PDE4B: variants seen among roughly 807,000 people sequenced by gnomAD.
The protein encoded by PDE4B is 3',5'-cyclic-AMP phosphodiesterase 4B.
Under a neutral mutation model 82.2 loss-of-function variants are expected in PDE4B, and 20 were observed. That is an observed-to-expected ratio of 0.24 (90% CI 0.17 to 0.35). The LOEUF (loss-of-function observed/expected upper bound fraction) is 0.35, where lower values mean the gene tolerates loss of function less well. PDE4B is among the 10% of genes least tolerant of loss of function. The pLI, the probability that PDE4B is intolerant of heterozygous loss-of-function variation, is 1.00. For missense variants in PDE4B, 655 were observed against 907.2 expected (o/e 0.72, Z 3.57); for synonymous variants, 320 against 318.9 (o/e 1.00, Z -0.04).
At chr1:66,363,686 A>T in intron 12 of PDE4B, 115 bp downstream of exon 12, 1 of 810,242 alleles carries the variant, frequency 1.2e-6, no homozygotes, top group Non-Finnish European at 1.9e-6. Context: ...CTGAGTTGGG[A>T]GGATTGCTTG....
At chr1:66,000,764 C>A (rs140577654) in intron 3 of PDE4B, among the ~76,000 whole-genome samples, 2 of 152,278 alleles carry the variant, frequency 1.3e-5, no homozygotes, top group African/African-American at 4.8e-5. Flanking sequence ...CCAAACTATA[C>A]CTCTCAAAAC....
intron 3 of PDE4B, chr1:65,992,652 G>C: frequency 2.9e-6 from 3 of 1,043,044 alleles, no homozygotes; most frequent in Non-Finnish European, 3.7e-6. Context: ...TCCACAAGGA[G>C]GCTACTGACA....
chr1:66,222,037 TG>T (rs1651028751), intron 3 of PDE4B, among the ~76,000 whole-genome samples: 1 of 152,216 alleles, frequency 6.6e-6, no homozygotes, highest in Non-Finnish European at 1.5e-5. Context: ...CTGGTGTGGC[TG>T]GGTCATCAGT....
intron 1 of PDE4B, among the ~76,000 whole-genome samples, chr1:65,840,977 T>C (rs1646200208): frequency 2.0e-5 from 3 of 152,036 alleles, no homozygotes; most frequent in African/African-American, 7.2e-5. Flanking sequence ...AGGATGCAAA[T>C]TATTTAACAA....
At chr1:66,099,588 T>C (rs1368613475) in intron 3 of PDE4B, among the ~76,000 whole-genome samples, 2 of 152,164 alleles carry the variant, frequency 1.3e-5, no homozygotes, top group East Asian at 3.9e-4. Flanking sequence ...GTGAATAAAA[T>C]TGTTTTTCTA....
chr1:65,859,604 C>G (rs1449211097), intron 1 of PDE4B, among the ~76,000 whole-genome samples: 1 of 151,922 alleles, frequency 6.6e-6, no homozygotes, highest in Non-Finnish European at 1.5e-5. Flanking sequence ...GATTGGTCGT[C>G]AAAAGCGAGC....
intron 3 of PDE4B, among the ~76,000 whole-genome samples, chr1:65,943,262 C>G (rs564482163): frequency 6.6e-6 from 1 of 151,582 alleles, no homozygotes; most frequent in African/African-American, 2.4e-5. Flanking sequence ...CGTTTATTAA[C>G]GAATATTCTC....
At chr1:66,301,926 T>A (rs993401192) in intron 7 of PDE4B, among the ~76,000 whole-genome samples, 1 of 152,172 alleles carries the variant, frequency 6.6e-6, no homozygotes, top group African/African-American at 2.4e-5. Context: ...AGAAAGCTCT[T>A]CCTAAATCTT....
intron 3 of PDE4B, among the ~76,000 whole-genome samples, chr1:66,149,018 G>A (rs1273917644): frequency 1.3e-5 from 2 of 152,150 alleles, no homozygotes; most frequent in African/African-American, 4.8e-5. Context: ...TAGGTCATAT[G>A]GTAACTATGT....
At chr1:65,844,304 C>G (rs1347134641) in intron 1 of PDE4B, among the ~76,000 whole-genome samples, 5 of 152,066 alleles carry the variant, frequency 3.3e-5, no homozygotes, top group Non-Finnish European at 7.4e-5. Context: ...TTCAGGTATC[C>G]TACAATTTAG....
chr1:66,144,631 A>T (rs915362525), intron 3 of PDE4B, among the ~76,000 whole-genome samples: 1 of 152,226 alleles, frequency 6.6e-6, no homozygotes, highest in Non-Finnish European at 1.5e-5. Context: ...CAGATTAAGG[A>T]GGCTCAATCA....
intron 8 of PDE4B, among the ~76,000 whole-genome samples, chr1:66,353,470 G>A (rs1204541558): frequency 6.6e-6 from 1 of 152,224 alleles, no homozygotes; most frequent in African/African-American, 2.4e-5. Context: ...ATGCTCATTT[G>A]AAAGGGGAAT....
intron 3 of PDE4B, among the ~76,000 whole-genome samples, chr1:66,150,101 C>T (rs930980420): frequency 2.0e-5 from 3 of 152,090 alleles, no homozygotes; most frequent in Non-Finnish European, 2.9e-5. Flanking sequence ...ATTCCCATTC[C>T]ATTGATCTCT....
At chr1:66,187,475 G>T (rs1332828492) in intron 3 of PDE4B, among the ~76,000 whole-genome samples, 2 of 152,006 alleles carry the variant, frequency 1.3e-5, no homozygotes, top group Admixed American at 6.6e-5. Flanking sequence ...GACTCTTTTT[G>T]GTTGGTAAGC....
chr1:65,891,989 C>A (rs558811041), intron 1 of PDE4B, among the ~76,000 whole-genome samples: 1 of 152,086 alleles, frequency 6.6e-6, no homozygotes, highest in East Asian at 1.9e-4. Context: ...TGAAATAAAG[C>A]TGATCTATTA....
chr1:66,169,106 A>G (rs1431544266), intron 3 of PDE4B, among the ~76,000 whole-genome samples: 1 of 152,228 alleles, frequency 6.6e-6, no homozygotes, highest in African/African-American at 2.4e-5. Context: ...CTTTTTCAGT[A>G]TGAGTCATCT....
intron 3 of PDE4B, among the ~76,000 whole-genome samples, chr1:65,967,830 G>C (rs532516228): frequency 2.6e-5 from 4 of 152,162 alleles, no homozygotes; most frequent in African/African-American, 9.6e-5. Context: ...GAAAACACAT[G>C]GACACAGGGA....
At chr1:66,266,588 G>C in intron 7 of PDE4B, 1 of 413,048 alleles carries the variant, frequency 2.4e-6, no homozygotes, top group South Asian at 1.9e-5. Flanking sequence ...CATTTCTTTT[G>C]GAGGGCATCC....
chr1:66,309,479 C>A (rs1455186704), intron 7 of PDE4B, among the ~76,000 whole-genome samples: 2 of 152,204 alleles, frequency 1.3e-5, no homozygotes, highest in Non-Finnish European at 2.9e-5. Context: ...AATTGTAAGA[C>A]AAGAATATGG....
Sources: allele counts gnomAD v4.1 joint callset (sites outside exome capture counted in the v4.1 genomes callset), GRCh38; gene constraint gnomAD v4.1.1; transcripts MANE v1.5; gene names NCBI Gene and HGNC (gene_info 2026-07-23, HGNC 2026-07-21).